The following GRAMD4 variants were observed in gnomAD, a reference collection of about 807,000 sequenced individuals.
GRAMD4 encodes GRAM domain-containing protein 4.
Under a neutral mutation model 83.9 loss-of-function variants are expected in GRAMD4, and 25 were observed. The observed-to-expected ratio is 0.30, with a 90% CI of 0.22 to 0.42. The LOEUF (loss-of-function observed/expected upper bound fraction) is 0.42, where lower values mean the gene tolerates loss of function less well. Among genes scored for constraint, GRAMD4 ranks in the 10% least tolerant of loss-of-function variants. The pLI, the probability that GRAMD4 is intolerant of heterozygous loss-of-function variation, is 1.00. For missense variants in GRAMD4, 593 were observed against 788.7 expected, an observed-to-expected ratio of 0.75 and a Z score of 2.97; for synonymous variants, 336 against 320.9, an observed-to-expected ratio of 1.05 and a Z score of -0.50.
At chr22:46,581,132 T>A (rs2147897202) in intron 1 of GRAMD4, among the ~76,000 whole-genome samples, 1 of 152,336 alleles carries the variant, frequency 6.6e-6, no homozygotes, top group South Asian at 2.1e-4. Context: ...ACAGGGCTAC[T>A]GTTCTGATTG....
intron 1 of GRAMD4, among the ~76,000 whole-genome samples, chr22:46,596,281 G>A (rs1315401597): frequency 6.6e-6 from 1 of 152,226 alleles, no homozygotes; most frequent in African/African-American, 2.4e-5. Flanking sequence ...TCACATTTAT[G>A]AGGCTGATAG....
intron 1 of GRAMD4, among the ~76,000 whole-genome samples, chr22:46,601,572 G>A (rs2081312623): frequency 6.6e-6 from 1 of 152,084 alleles, no homozygotes; most frequent in Non-Finnish European, 1.5e-5. Context: ...TAAGGCGGGG[G>A]GATTACCTGA....
Position 46,679,718 on chromosome 22 carries a change from T to A in GRAMD4, c.*2467T>A. On this transcript the variant is annotated 3_prime_UTR_variant, in exon 19 of 19. Coordinates refer to ENST00000406902, the MANE Select transcript of GRAMD4 (RefSeq NM_015124.5). Reference sequence around the variant, plus strand: ...AACATTTTTTTAAGAAAACTTTGTTTGTTTAAAGAAAAAGTATTGTATAAA... The same window carrying A: ...AACATTTTTTTAAGAAAACTTTGTTAGTTTAAAGAAAAAGTATTGTATAAA... 1 of 971,012 alleles carries A rather than the reference T, an allele frequency of 1.0e-6. No homozygotes were observed. Among genetic ancestry groups the A allele is most frequent in the South Asian group, 4.8e-5 (1 of 21,042 alleles). The allele number at this position is 971,012 out of a possible 1,614,324, so 60.1% of individuals were successfully genotyped here. A position where few individuals can be genotyped will look rare whatever the true frequency, so the allele number is the denominator to read the frequency against.
At chr22:46,600,680 C>G (rs982583862) in intron 1 of GRAMD4, among the ~76,000 whole-genome samples, 1 of 152,186 alleles carries the variant, frequency 6.6e-6, no homozygotes, top group African/African-American at 2.4e-5. Context: ...CCCTTACAGC[C>G]TCAAGCGATG....
chr22:46,638,232 TC>T (rs1418881985), intron 3 of GRAMD4, among the ~76,000 whole-genome samples: 2 of 152,228 alleles, frequency 1.3e-5, no homozygotes, highest in Non-Finnish European at 2.9e-5. Context: ...TGGGGGCCTT[TC>T]CCCTGCGGGG....
chr22:46,576,844 C>T (rs1449757575), upstream of GRAMD4, among the ~76,000 whole-genome samples: 1 of 146,666 alleles, frequency 6.8e-6, no homozygotes, highest in Non-Finnish European at 1.5e-5. Flanking sequence ...ACGGCGTGGC[C>T]GTGGCCGGCG....
chr22:46,632,811 G>C (rs2081795347), intron 2 of GRAMD4, among the ~76,000 whole-genome samples: 1 of 152,206 alleles, frequency 6.6e-6, no homozygotes, highest in South Asian at 2.1e-4. Flanking sequence ...TTGGAGACAG[G>C]GTTGGCACAT....
In GRAMD4 at chr22:46,636,864, G is replaced by A. The variant is rs549578275; in HGVS notation, c.163-976G>A. Among the ~76,000 whole-genome samples, 7 of 152,374 alleles carry A rather than the reference G, an allele frequency of 4.6e-5. No homozygotes were observed. In the South Asian group the frequency reaches 1.0e-3, roughly 23 times the overall value. On this transcript the variant is annotated intron_variant, in intron 2 of 18. Coordinates refer to ENST00000406902, the MANE Select transcript of GRAMD4 (RefSeq NM_015124.5). ...GGGCTCCAGGCATCGGGCAGCTGTA[G>A]CCTGTAACTCGAGCCCGTCCTGGCT...
chr22:46,679,304 T>G lies in GRAMD4; in HGVS notation c.*2053T>G. The stretch of plus-strand genomic sequence containing the variant: ...CGGGTGGTTTAGTTCGAGTCCCTTT[T>G]GTGGAGAAAGGGAGATGAAAACTGA... On this transcript the variant is annotated 3_prime_UTR_variant, in exon 19 of 19. Transcript: ENST00000406902. 1.0e-6 allele frequency: 1 copy of G among 985,294 alleles called. No individual in the cohort carries two copies. The highest frequency in any genetic ancestry group is 5.2e-4 in the Middle Eastern group (1 of 1,916). The allele number at this position is 985,294 out of a possible 1,614,324, so 61.0% of individuals were successfully genotyped here.
At chr22:46,680,913 T>TCCAC (rs2082667159), downstream of GRAMD4, among the ~76,000 whole-genome samples, 1 of 108,754 alleles carries the variant, frequency 9.2e-6, no homozygotes, top group South Asian at 3.6e-4. Context: ...CATCCATCCA[T>TCCAC]CCACCCATCC....
chr22:46,620,568 A>T lies in GRAMD4; in HGVS notation c.-50+3A>T, dbSNP rs2081558832. 2 of 1,552 alleles carry T rather than the reference A, an allele frequency of 1.3e-3. No individual in the cohort carries two copies. Among genetic ancestry groups the T allele is most frequent in the Non-Finnish European group, 3.0e-3 (2 of 662 alleles). 0.1% of individuals were successfully genotyped at this position (1,552 alleles called of 1,614,324 possible). ...GGATGTATCTGAGACAGACGGAGGT[A>T]GGGGGCAGGGGGCAGGGGGCAGGGG... is the stretch of plus-strand genomic sequence containing the variant. On this transcript the variant is annotated splice_donor_region_variant and intron_variant, in intron 1 of 18. Transcript: ENST00000406902. This position sits in a 1 kb window ranked among gnomAD's most constrained non-coding sequence, Gnocchi z 4.7.
At chr22:46,637,521 G>A (rs2081908605) in intron 2 of GRAMD4, among the ~76,000 whole-genome samples, 1 of 152,152 alleles carries the variant, frequency 6.6e-6, no homozygotes. Context: ...TTACAGGTGT[G>A]AACCACCGTG....
rs1384248956 is a variant in GRAMD4 at position 46,622,259 on chromosome 22, C to T, written c.-50+1694C>T. ...CCTGCAGGCAGCCAAGAGTTCTGTG[C>T]GTGTCCAAGCGTGTCCCCTGCTTTC... On this transcript the variant is annotated intron_variant, in intron 1 of 18. Transcript: ENST00000406902. The surrounding 1 kb of genome is among the most constrained non-coding windows in gnomAD (Gnocchi z 4.0). 6.6e-6 allele frequency among the ~76,000 whole-genome samples: 1 copy of T among 152,128 alleles called. No individual in the cohort carries two copies. Among genetic ancestry groups the T allele is most frequent in the African/African-American group, 2.4e-5 (1 of 41,432 alleles).
At chr22:46,644,131 A>T (rs2082029861) in intron 3 of GRAMD4, among the ~76,000 whole-genome samples, 1 of 152,238 alleles carries the variant, frequency 6.6e-6, no homozygotes, top group Non-Finnish European at 1.5e-5. Context: ...TATATCCTGT[A>T]GGTCACTCCA....
rs1297733449 is a variant in GRAMD4 at position 46,672,389 on chromosome 22, TGAA to T, written c.1085-449_1085-447del. 6.8e-6 allele frequency among the ~76,000 whole-genome samples: 1 copy of T among 147,120 alleles called. No homozygotes were observed. Among genetic ancestry groups the T allele is most frequent in the Non-Finnish European group, 1.5e-5 (1 of 66,868 alleles). On this transcript the variant is annotated intron_variant, in intron 13 of 18. Coordinates refer to ENST00000406902, the MANE Select transcript of GRAMD4 (RefSeq NM_015124.5). The surrounding 1 kb of genome is among the most constrained non-coding windows in gnomAD (Gnocchi z 4.7). Reference sequence around the variant, plus strand: ...GGCTGGGCGTGGGGGGGCACCCAGTTGAAGAAGGGCAGGTGGGAGGGGGTTTGG... The same window carrying T: ...GGCTGGGCGTGGGGGGGCACCCAGTTGAAGGGCAGGTGGGAGGGGGTTTGG...
intron 1 of GRAMD4, among the ~76,000 whole-genome samples, chr22:46,596,588 G>T (rs1276186368): frequency 6.6e-6 from 1 of 152,142 alleles, no homozygotes; most frequent in Admixed American, 6.5e-5. Flanking sequence ...TGTTGCCCAG[G>T]CTGGAGTGCA....
At position 46,678,405 on chromosome 22, in the gene GRAMD4, C is replaced by T; in HGVS notation, c.*1154C>T. ...GTCCGGGCACAGACCCCCCCAGCCC[C>T]CGCCCTGCCCCAGGGAAGCCTGGGC... On this transcript the variant is annotated 3_prime_UTR_variant, in exon 19 of 19. Coordinates refer to ENST00000406902, the MANE Select transcript of GRAMD4 (RefSeq NM_015124.5). 2.0e-6 allele frequency: 2 copies of T among 984,848 alleles called. No individual in the cohort carries two copies. Among genetic ancestry groups the T allele is most frequent in the Non-Finnish European group, 1.2e-6 (1 of 829,390 alleles). 61.0% of individuals were successfully genotyped at this position (984,848 alleles called of 1,614,324 possible). A position where few individuals can be genotyped will look rare whatever the true frequency, so the allele number is the denominator to read the frequency against.
At chr22:46,607,049 T>C (rs1300653398) in intron 1 of GRAMD4, among the ~76,000 whole-genome samples, 1 of 152,178 alleles carries the variant, frequency 6.6e-6, no homozygotes, top group Non-Finnish European at 1.5e-5. Context: ...TCCAGAGCTC[T>C]GCTGCCGACC....
upstream of GRAMD4, among the ~76,000 whole-genome samples, chr22:46,616,114 C>G (rs568677978): frequency 7.1e-6 from 1 of 140,488 alleles, no homozygotes; most frequent in South Asian, 2.4e-4. Flanking sequence ...GTGTAGGTTC[C>G]CCTGTGCGTG....
Sources: allele counts gnomAD v4.1 joint callset (sites outside exome capture counted in the v4.1 genomes callset), GRCh38; gene constraint gnomAD v4.1.1; non-coding constraint Gnocchi (gnomAD v3.1); transcripts MANE v1.5; gene names NCBI Gene and HGNC (gene_info 2026-07-23, HGNC 2026-07-21).